The following MALRD1 variants were observed in gnomAD, a reference collection of about 807,000 sequenced individuals.
MALRD1 encodes the protein MAM and LDL receptor class A domain containing 1.
A neutral mutation model predicts 242.1 loss-of-function variants in MALRD1; 247 were observed. The observed-to-expected ratio is 1.02, with a 90% confidence interval of 0.92 to 1.13. The LOEUF (loss-of-function observed/expected upper bound fraction) is 1.13, where lower values mean the gene tolerates loss of function less well. Among genes scored for constraint, MALRD1 ranks in the 50% most tolerant of loss-of-function variants. MALRD1 has a pLI of 0.00. For synonymous variants in MALRD1, 995 were observed against 866.6 expected, an observed-to-expected ratio of 1.15 and a Z score of -2.60; for missense variants, 2,989 against 2,533.1, an observed-to-expected ratio of 1.18 and a Z score of -3.86.
intron 13 of MALRD1, among the ~76,000 whole-genome samples, chr10:19,167,652 C>G (rs1007777978): frequency 1.3e-5 from 2 of 152,102 alleles, no homozygotes; most frequent in African/African-American, 4.8e-5. Flanking sequence ...ATACTCTAGG[C>G]GAAGTCTCTT....
At chr10:19,220,596 T>C (rs1459413061) in intron 18 of MALRD1, among the ~76,000 whole-genome samples, 1 of 152,180 alleles carries the variant, frequency 6.6e-6, no homozygotes, top group Admixed American at 6.6e-5. Flanking sequence ...TACAACTAGC[T>C]TGAGAAGAAC....
chr10:19,604,224 T>A (rs1838500976), intron 34 of MALRD1, among the ~76,000 whole-genome samples: 1 of 152,132 alleles, frequency 6.6e-6, no homozygotes. Context: ...AAAACAGCCT[T>A]ATTGTGGATA....
At chr10:19,557,910 A>G (rs1835796797) in intron 32 of MALRD1, among the ~76,000 whole-genome samples, 2 of 151,956 alleles carry the variant, frequency 1.3e-5, no homozygotes, top group Admixed American at 6.6e-5. Context: ...AATAACATCT[A>G]TTTATCTATA....
chr10:19,472,889 T>A (rs1035411618), intron 29 of MALRD1, among the ~76,000 whole-genome samples: 4 of 151,534 alleles, frequency 2.6e-5, no homozygotes, highest in African/African-American at 9.7e-5. Context: ...ATCATTTATT[T>A]CTGTTCTAAT....
In MALRD1 at chr10:19,719,203, T is replaced by TACAC. The variant is rs1554830400; in HGVS notation, c.6315-11502_6315-11501insCACA. On this transcript the variant is annotated intron_variant, in intron 38 of 39. Transcript: ENST00000454679. ...ATATATATATATACATACATATATATATATATATACACATACATACATATA... is the reference window on the plus strand; with the variant it reads ...ATATATATATATACATACATATATATACACATATATATACACATACATACATATA... 3.9e-4 allele frequency among the ~76,000 whole-genome samples: 38 copies of TACAC among 98,274 alleles called. 2 individuals are homozygous for TACAC. The East Asian group carries it at 4.5e-3, about 12-fold the overall frequency. 64.5% of individuals were successfully genotyped at this position (98,274 alleles called of 152,430 possible).
intron 2 of MALRD1, among the ~76,000 whole-genome samples, chr10:19,076,304 CATCT>C (rs1010471475): frequency 3.3e-5 from 5 of 151,822 alleles, no homozygotes; most frequent in Admixed American, 3.3e-4. Context: ...ACCTATCTTC[CATCT>C]ATCTATGTAC....
At chr10:19,104,779 GAT>G (rs1241135562) in intron 5 of MALRD1, among the ~76,000 whole-genome samples, 2 of 152,032 alleles carry the variant, frequency 1.3e-5, no homozygotes, top group African/African-American at 4.8e-5. Flanking sequence ...TTGGTACAAA[GAT>G]ATAGTTGTTG....
intron 12 of MALRD1, among the ~76,000 whole-genome samples, chr10:19,163,137 T>TAAAAAAAAA (rs58034381): frequency 6.8e-5 from 3 of 43,854 alleles, no homozygotes; most frequent in East Asian, 2.0e-3. Context: ...AAACCCTGTC[T>TAAAAAAAAA]AAAAAAAAAA....
Position 19,088,006 on chromosome 10 carries a change from A to G in MALRD1, c.436-18A>G. The G allele has an allele frequency of 8.1e-7, 1 of 1,233,312 alleles. No individual in the cohort carries two copies. The highest frequency in any genetic ancestry group is 1.0e-6 in the Non-Finnish European group (1 of 987,722). The allele number at this position is 1,233,312 out of a possible 1,614,324, so 76.4% of individuals were successfully genotyped here. ...ACTTCTTTATCATAATTGTTTGGGT[A>G]CTAATTGTCTTTCACAGATTACATT... On this transcript the variant is annotated intron_variant, in intron 3 of 39. Coordinates refer to ENST00000454679, the MANE Select transcript of MALRD1 (RefSeq NM_001142308.3).
intron 19 of MALRD1, among the ~76,000 whole-genome samples, chr10:19,266,810 T>A (rs1408260174): frequency 1.3e-5 from 2 of 152,006 alleles, no homozygotes; most frequent in African/African-American, 4.8e-5. Flanking sequence ...TGCATAGCTG[T>A]AAAATGATGT....
At chr10:19,586,480 C>A (rs191552229) in intron 33 of MALRD1, among the ~76,000 whole-genome samples, 119 of 152,236 alleles carry the variant, frequency 7.8e-4, no homozygotes, top group Non-Finnish European at 1.5e-3. Flanking sequence ...TTGGAGTACC[C>A]GGCCGTGTGA....
At position 19,531,891 on chromosome 10, in the gene MALRD1, T is replaced by C. The variant is rs537170184; in HGVS notation, c.5478+540T>C. On this transcript the variant is annotated intron_variant, in intron 32 of 39. Coordinates refer to ENST00000454679, the MANE Select transcript of MALRD1 (RefSeq NM_001142308.3). Reference sequence around the variant, plus strand: ...ACTTTTCATTGTATCAATGAGTTTTTCAATCATCATGAACCAATTTTAAGA... The same window carrying C: ...ACTTTTCATTGTATCAATGAGTTTTCCAATCATCATGAACCAATTTTAAGA... Among the ~76,000 whole-genome samples, 7 of 152,340 alleles carry C rather than the reference T, an allele frequency of 4.6e-5. No homozygotes were observed. The South Asian group carries it at 1.4e-3, about 32-fold the overall frequency.
At chr10:19,523,556 C>T (rs1487261214) in intron 31 of MALRD1, among the ~76,000 whole-genome samples, 7 of 152,116 alleles carry the variant, frequency 4.6e-5, no homozygotes, top group Admixed American at 1.3e-4. Flanking sequence ...TAAGTTAATT[C>T]ATGTTTCCAA....
chr10:19,259,685 A>G (rs763312498), intron 19 of MALRD1, among the ~76,000 whole-genome samples: 55 of 152,110 alleles, frequency 3.6e-4, no homozygotes, highest in Middle Eastern at 3.4e-3. Flanking sequence ...CAGCCAAACC[A>G]TGTCATATGG....
At chr10:19,257,839 C>T in intron 19 of MALRD1, 68 bp downstream of exon 19, 1 of 1,069,180 alleles carries the variant, frequency 9.4e-7, no homozygotes, top group East Asian at 2.8e-5. Context: ...GCAAGGAAAT[C>T]AATATTTCAT....
At chr10:19,176,651 G>A (rs1835262967) in intron 14 of MALRD1, among the ~76,000 whole-genome samples, 1 of 151,888 alleles carries the variant, frequency 6.6e-6, no homozygotes, top group South Asian at 2.1e-4. Flanking sequence ...TGGGATTACA[G>A]GCGTGAGCCA....
intron 36 of MALRD1, among the ~76,000 whole-genome samples, chr10:19,687,035 T>A (rs940010518): frequency 3.3e-5 from 5 of 151,992 alleles, no homozygotes; most frequent in Non-Finnish European, 7.4e-5. Context: ...TTTTTTTCCC[T>A]CCTATTAAGC....
intron 36 of MALRD1, among the ~76,000 whole-genome samples, chr10:19,680,803 C>T (rs1435980088): frequency 6.6e-6 from 1 of 152,088 alleles, no homozygotes; most frequent in African/African-American, 2.4e-5. Context: ...TTTAGTTCTT[C>T]CTTCAGGAGC....
chr10:19,617,613 T>C (rs925228721), intron 36 of MALRD1, among the ~76,000 whole-genome samples: 8 of 152,034 alleles, frequency 5.3e-5, no homozygotes, highest in African/African-American at 1.9e-4. Flanking sequence ...AAATATACAG[T>C]AGTATATCAG....
Sources: gnomAD v4.1 joint callset for allele counts (sites outside exome capture counted in the v4.1 genomes callset) on GRCh38, gnomAD v4.1.1 for gene constraint, MANE v1.5 for transcripts, NCBI Gene and HGNC (gene_info 2026-07-23, HGNC 2026-07-21) for gene names.